The following GNAQ variants were observed in gnomAD, a reference collection of about 807,000 sequenced individuals.
GNAQ encodes the protein G protein subunit alpha q, also known as guanine nucleotide-binding protein G(q) subunit alpha.
In GNAQ, 8 loss-of-function variants were observed where a neutral mutation model predicts 43.9. The ratio of observed to expected loss-of-function variants is 0.18; its 90% CI spans 0.11 to 0.33. The LOEUF (loss-of-function observed/expected upper bound fraction) is 0.33. Ranked by LOEUF, GNAQ falls within the 10% of genes least tolerant of loss-of-function variation. The probability of loss-of-function intolerance (pLI) is 1.00; values close to 1 mark genes in which losing one functional copy is unlikely to be tolerated. For synonymous variants in GNAQ, 155 were observed against 170.7 expected, an observed-to-expected ratio of 0.91 and a Z score of 0.71; for missense variants, 158 against 450.8, an observed-to-expected ratio of 0.35 and a Z score of 5.88.
In GNAQ at chr9:77,738,710, C is replaced by T. The variant is rs1014427268; in HGVS notation, c.736-10043G>A. Among the ~76,000 whole-genome samples, 31 of 152,050 alleles carry T rather than the reference C, an allele frequency of 2.0e-4. 1 individual carries two copies. The highest frequency in any genetic ancestry group is 2.0e-3 in the Admixed American group (31 of 15,272). ...CTGAGCACTTAAAATGTGGCTAATGCAACTGAAAAAATGAGTTTTAAATTT... is the reference window on the plus strand; with the variant it reads ...CTGAGCACTTAAAATGTGGCTAATGTAACTGAAAAAATGAGTTTTAAATTT... On this transcript the variant is annotated intron_variant, in intron 5 of 6. Coordinates refer to ENST00000286548, the MANE Select transcript of GNAQ (RefSeq NM_002072.5).
intron 1 of GNAQ, among the ~76,000 whole-genome samples, chr9:78,014,083 G>A (rs1459884983): frequency 6.6e-6 from 1 of 152,098 alleles, no homozygotes; most frequent in African/African-American, 2.4e-5. Flanking sequence ...AAAATTAAAA[G>A]CAGAGTACAT....
intron 5 of GNAQ, among the ~76,000 whole-genome samples, chr9:77,754,112 G>A (rs1825861115): frequency 6.6e-6 from 1 of 152,208 alleles, no homozygotes; most frequent in South Asian, 2.1e-4. Context: ...CAGCGTGGAT[G>A]GCACCCTGGA....
At chr9:77,971,323 CAA>C (rs1346078036) in intron 1 of GNAQ, among the ~76,000 whole-genome samples, 1 of 151,960 alleles carries the variant, frequency 6.6e-6, no homozygotes, top group Non-Finnish European at 1.5e-5. Flanking sequence ...AGAGACACAA[CAA>C]AAAAAGAGAA....
At chr9:77,759,869 T>C (rs999491191) in intron 5 of GNAQ, among the ~76,000 whole-genome samples, 1 of 151,316 alleles carries the variant, frequency 6.6e-6, no homozygotes, top group Admixed American at 6.6e-5. Flanking sequence ...TAGTCCCTAT[T>C]TCTTCTACCT....
At chr9:77,862,262 T>C (rs1564133400) in intron 2 of GNAQ, among the ~76,000 whole-genome samples, 2 of 152,092 alleles carry the variant, frequency 1.3e-5, no homozygotes, top group African/African-American at 4.8e-5. Context: ...GGAGGGACTC[T>C]GTGTGGGGGC....
At chr9:77,834,473 T>C (rs778283301) in intron 2 of GNAQ, among the ~76,000 whole-genome samples, 11 of 150,822 alleles carry the variant, frequency 7.3e-5, no homozygotes, top group South Asian at 2.1e-4. Context: ...ATTTTTAAAA[T>C]TGGGGACTGT....
intron 1 of GNAQ, among the ~76,000 whole-genome samples, chr9:77,953,471 G>A (rs1228194916): frequency 6.6e-6 from 1 of 152,158 alleles, no homozygotes; most frequent in Non-Finnish European, 1.5e-5. Context: ...ATGGAGGAGA[G>A]GTGTGTTTTC....
chr9:77,992,255 G>A (rs1262783827), intron 1 of GNAQ, among the ~76,000 whole-genome samples: 1 of 152,100 alleles, frequency 6.6e-6, no homozygotes, highest in Non-Finnish European at 1.5e-5. Context: ...CCTGTAAATG[G>A]AACCATGCAA....
At chr9:78,014,508 A>C (rs1166143908) in intron 1 of GNAQ, among the ~76,000 whole-genome samples, 3 of 152,106 alleles carry the variant, frequency 2.0e-5, no homozygotes, top group African/African-American at 7.2e-5. Flanking sequence ...TAGGAGGCTG[A>C]GGCAGGAGAA....
In GNAQ at chr9:77,721,684, C is replaced by T. The variant is rs561477377; in HGVS notation, c.890-171G>A. On this transcript the variant is annotated intron_variant, in intron 6 of 6. Coordinates refer to ENST00000286548, the MANE Select transcript of GNAQ (RefSeq NM_002072.5). Reference sequence around the variant, plus strand: ...ACTGCTATGTCTGACCATCCATCCACCCACCCAGGCACCCACCCATTCACA... The same window carrying T: ...ACTGCTATGTCTGACCATCCATCCATCCACCCAGGCACCCACCCATTCACA... Among the ~76,000 whole-genome samples, 12 of 152,182 alleles carry T rather than the reference C, an allele frequency of 7.9e-5. No homozygotes were observed. In the East Asian group the frequency reaches 2.1e-3, roughly 27 times the overall value.
intron 5 of GNAQ, among the ~76,000 whole-genome samples, chr9:77,747,338 G>A (rs1208048457): frequency 6.6e-6 from 1 of 152,130 alleles, no homozygotes; most frequent in Non-Finnish European, 1.5e-5. Flanking sequence ...TTTGATAAAT[G>A]TCACAGAGAA....
At position 77,816,143 on chromosome 9, in the gene GNAQ, T is replaced by C. The variant is rs1333534268; in HGVS notation, c.322-373A>G. Among the ~76,000 whole-genome samples, 3 of 152,206 alleles carry C rather than the reference T, an allele frequency of 2.0e-5. No individual in the cohort carries two copies. The East Asian group carries it at 5.8e-4, about 29-fold the overall frequency. On this transcript the variant is annotated intron_variant, in intron 2 of 6. Transcript: ENST00000286548. ...GAGGCAGGAGTAATTATCCCCTCTATGTTTATAGTTTATTATAATCAAACA... is the reference window on the plus strand; with the variant it reads ...GAGGCAGGAGTAATTATCCCCTCTACGTTTATAGTTTATTATAATCAAACA...
chr9:77,925,165 T>C (rs535919312), intron 1 of GNAQ, among the ~76,000 whole-genome samples: 8 of 152,206 alleles, frequency 5.3e-5, no homozygotes, highest in Non-Finnish European at 1.0e-4. Flanking sequence ...TACTTACACC[T>C]GGTCCACTCC....
At chr9:77,806,863 CGT>C (rs1384831540) in intron 3 of GNAQ, among the ~76,000 whole-genome samples, 1 of 152,140 alleles carries the variant, frequency 6.6e-6, no homozygotes, top group Non-Finnish European at 1.5e-5. Context: ...TGAAGAAAAA[CGT>C]GTTATAAATA....
At chr9:77,944,850 A>G (rs1295005991) in intron 1 of GNAQ, among the ~76,000 whole-genome samples, 2 of 152,212 alleles carry the variant, frequency 1.3e-5, no homozygotes, top group African/African-American at 4.8e-5. Flanking sequence ...TTCAGAGTCT[A>G]AATACTTTAC....
chr9:78,011,661 T>C (rs907126559), intron 1 of GNAQ, among the ~76,000 whole-genome samples: 2 of 152,184 alleles, frequency 1.3e-5, no homozygotes, highest in Non-Finnish European at 2.9e-5. Flanking sequence ...ATCAAAGAGA[T>C]AGCAGGTACT....
In GNAQ at chr9:77,864,186, T is replaced by A. The variant is rs952009535; in HGVS notation, c.322-48416A>T. ...TGCCAGGCTTTTTTTTTTTTTTTTT[T>A]AAACAATTAGTTCTCTCAGGGACTA... On this transcript the variant is annotated intron_variant, in intron 2 of 6. Transcript: ENST00000286548. Among the ~76,000 whole-genome samples, 172 of 147,506 alleles carry A rather than the reference T, an allele frequency of 1.2e-3. 1 individual carries two copies. Among genetic ancestry groups the A allele is most frequent in the Non-Finnish European group, 2.3e-4 (15 of 66,536 alleles).
chr9:77,883,136 T>A (rs1828242291), intron 2 of GNAQ, among the ~76,000 whole-genome samples: 1 of 152,194 alleles, frequency 6.6e-6, no homozygotes, highest in Admixed American at 6.5e-5. Flanking sequence ...GCTGGAAGTT[T>A]AAGTAGGGAC....
chr9:78,011,124 G>A (rs769755411), intron 1 of GNAQ, among the ~76,000 whole-genome samples: 7 of 152,170 alleles, frequency 4.6e-5, no homozygotes, highest in East Asian at 1.9e-4. Context: ...TCATCAAAGT[G>A]GCTGGCTCAC....
Sources: gnomAD v4.1 joint callset for allele counts (sites outside exome capture counted in the v4.1 genomes callset) on GRCh38, gnomAD v4.1.1 for gene constraint, MANE v1.5 for transcripts, NCBI Gene and HGNC (gene_info 2026-07-23, HGNC 2026-07-21) for gene names.